The following SPICE1 variants were observed in gnomAD, a reference collection of about 807,000 sequenced individuals.
The protein encoded by SPICE1 is spindle and centriole associated protein 1.
Under a neutral mutation model 102.7 loss-of-function variants are expected in SPICE1, and 75 were observed. The observed-to-expected ratio is 0.73, with a 90% CI of 0.61 to 0.88. SPICE1 has a LOEUF of 0.88. SPICE1 is among the 40% of genes least tolerant of loss of function. SPICE1 has a pLI of 0.00. For synonymous variants in SPICE1, 308 were observed against 350.3 expected, an observed-to-expected ratio of 0.88 and a Z score of 1.35; for missense variants, 979 against 1,020.1, an observed-to-expected ratio of 0.96 and a Z score of 0.55.
intron 7 of SPICE1, among the ~76,000 whole-genome samples, chr3:113,486,105 C>T (rs188340450): frequency 6.7e-6 from 1 of 150,282 alleles, no homozygotes; most frequent in Admixed American, 6.6e-5. Context: ...AATGAGACTC[C>T]ATCTCAAAAA....
chr3:113,471,047 G>T (rs1309957909), intron 7 of SPICE1, among the ~76,000 whole-genome samples: 1 of 152,146 alleles, frequency 6.6e-6, no homozygotes, highest in Non-Finnish European at 1.5e-5. Flanking sequence ...GAGCTAATGA[G>T]ATTTAGATGA....
chr3:113,482,087 C>A (rs529195587), intron 7 of SPICE1, among the ~76,000 whole-genome samples: 5 of 152,310 alleles, frequency 3.3e-5, no homozygotes, highest in African/African-American at 9.6e-5. Context: ...TATTTCCTGA[C>A]TTTTTAATGA....
intron 14 of SPICE1, among the ~76,000 whole-genome samples, chr3:113,450,741 T>C (rs1169573823): frequency 6.6e-6 from 1 of 152,042 alleles, no homozygotes; most frequent in East Asian, 1.9e-4. Flanking sequence ...CACGCCCAGC[T>C]AATTTTTTGT....
intron 4 of SPICE1, 104 bp from the exon 5 acceptor site, chr3:113,494,246 G>A (rs984549130): frequency 5.8e-6 from 4 of 692,570 alleles, no homozygotes; most frequent in Non-Finnish European, 9.3e-6. Flanking sequence ...AATAACCATA[G>A]GCTACCTTCC....
At chr3:113,468,948 A>T in intron 8 of SPICE1, 49 bp from the exon 9 acceptor site, 1 of 1,581,642 alleles carries the variant, frequency 6.3e-7, no homozygotes, top group Non-Finnish European at 8.6e-7. Flanking sequence ...CAAACTTCTT[A>T]AGAAAGTATT....
At chr3:113,455,544 A>C (rs1176140235) in intron 13 of SPICE1, among the ~76,000 whole-genome samples, 1 of 152,246 alleles carries the variant, frequency 6.6e-6, no homozygotes, top group Non-Finnish European at 1.5e-5. Flanking sequence ...TGGAGCAGAC[A>C]CAGAACATTT....
intron 10 of SPICE1, 91 bp downstream of exon 10, chr3:113,468,048 T>C: frequency 1.3e-6 from 2 of 1,491,208 alleles, no homozygotes; most frequent in Non-Finnish European, 9.1e-7. Flanking sequence ...AATTTGACTG[T>C]ACTTTATTTG....
chr3:113,511,626 G>A (rs1009642800), intron 1 of SPICE1, among the ~76,000 whole-genome samples: 1 of 152,156 alleles, frequency 6.6e-6, no homozygotes, highest in African/African-American at 2.4e-5. Flanking sequence ...GGGGGATGCA[G>A]GGAGACAGAG....
intron 12 of SPICE1, 57 bp from the exon 13 acceptor site, chr3:113,457,414 T>G: frequency 2.6e-6 from 4 of 1,550,744 alleles, no homozygotes; most frequent in Non-Finnish European, 2.7e-6. Context: ...TATGAGCACA[T>G]TTCAGGTATT....
chr3:113,495,931 TA>T (rs1241194350), intron 4 of SPICE1, among the ~76,000 whole-genome samples: 2 of 152,186 alleles, frequency 1.3e-5, no homozygotes, highest in Non-Finnish European at 2.9e-5. Flanking sequence ...AGGTCTCATG[TA>T]AAAACCATTA....
Position 113,453,965 on chromosome 3 carries a change from T to C in SPICE1, c.1658-15A>G. ...CCTTCTCAATACTATAGATAAGAAT[T>C]TAAAAATAACAAATATGTATTATTT... On this transcript the variant is annotated splice_polypyrimidine_tract_variant and intron_variant, in intron 13 of 17. Transcript: ENST00000295872. 9 of 1,565,544 alleles carry C rather than the reference T, an allele frequency of 5.7e-6. No homozygotes were observed. Among genetic ancestry groups the C allele is most frequent in the Non-Finnish European group, 7.8e-6 (9 of 1,157,768 alleles).
At chr3:113,456,983 C>A (rs560518254) in intron 13 of SPICE1, among the ~76,000 whole-genome samples, 153 bp downstream of exon 13, 1 of 152,360 alleles carries the variant, frequency 6.6e-6, no homozygotes, top group South Asian at 2.1e-4. Flanking sequence ...AGGTATGATA[C>A]ACATAGCATG....
At chr3:113,469,367 T>C (rs1936141295) in intron 7 of SPICE1, 129 bp from the exon 8 acceptor site, 1 of 211,640 alleles carries the variant, frequency 4.7e-6, no homozygotes, top group African/African-American at 2.4e-5. Flanking sequence ...TTTATATTTA[T>C]ATAATTATAA....
At chr3:113,447,892 T>C in intron 16 of SPICE1, 146 bp downstream of exon 16, 6 of 672,490 alleles carry the variant, frequency 8.9e-6, no homozygotes, top group Non-Finnish European at 9.0e-6. Context: ...CAAAATTCTC[T>C]TTTCCAATTA....
chr3:113,462,459 T>C (rs1935953840), intron 11 of SPICE1, among the ~76,000 whole-genome samples: 1 of 152,190 alleles, frequency 6.6e-6, no homozygotes, highest in Non-Finnish European at 1.5e-5. Flanking sequence ...TGTCAAATCT[T>C]CTCATGGCTG....
intron 12 of SPICE1, among the ~76,000 whole-genome samples, chr3:113,458,293 G>A (rs1010855190): frequency 4.6e-5 from 7 of 152,048 alleles, no homozygotes; most frequent in African/African-American, 1.7e-4. Flanking sequence ...CCGCCATCTC[G>A]ACTCACTGCA....
intron 1 of SPICE1, among the ~76,000 whole-genome samples, chr3:113,508,079 T>C (rs1576651837): frequency 6.6e-6 from 1 of 152,250 alleles, no homozygotes; most frequent in East Asian, 1.9e-4. Context: ...TGGATACGCA[T>C]ATGAAAAAGA....
At chr3:113,489,812 C>A (rs2107491390) in intron 6 of SPICE1, among the ~76,000 whole-genome samples, 1 of 135,852 alleles carries the variant, frequency 7.4e-6, no homozygotes, top group African/African-American at 2.8e-5. Flanking sequence ...CGTGCCACTG[C>A]ATTCCAGCCT....
At position 113,514,935 on chromosome 3, in the gene SPICE1, G is replaced by C. The variant is rs1412290056; in HGVS notation, c.-39C>G. On this transcript the variant is annotated 5_prime_UTR_variant, in exon 1 of 18. Transcript: ENST00000295872. ...ACACAGAGCCGCGGCTGCGCTTCCT[G>C]AAGTAAGGATTCCCCAACCGGGCGC... 4.6e-6 allele frequency: 5 copies of C among 1,084,060 alleles called. No individual in the cohort carries two copies. The highest frequency in any genetic ancestry group is 5.9e-6 in the Non-Finnish European group (5 of 853,894). 67.2% of individuals were successfully genotyped at this position (1,084,060 alleles called of 1,614,324 possible).
Sources: gnomAD v4.1 joint callset for allele counts (sites outside exome capture counted in the v4.1 genomes callset) on GRCh38, gnomAD v4.1.1 for gene constraint, MANE v1.5 for transcripts, NCBI Gene and HGNC (gene_info 2026-07-23, HGNC 2026-07-21) for gene names.